FAM184A: variants seen among roughly 807,000 people sequenced by gnomAD.
FAM184A encodes family with sequence similarity 184 member A.
Under a neutral mutation model 143.8 loss-of-function variants are expected in FAM184A, and 99 were observed. The observed-to-expected ratio is 0.69, with a 90% CI of 0.58 to 0.81. The LOEUF is 0.81. Among genes scored for constraint, FAM184A ranks in the 40% least tolerant of loss-of-function variants. FAM184A has a pLI of 0.00. For synonymous variants in FAM184A, 427 were observed against 446.4 expected, an observed-to-expected ratio of 0.96 and a Z score of 0.55; for missense variants, 1,217 against 1,310.5, an observed-to-expected ratio of 0.93 and a Z score of 1.10.
chr6:119,032,722 T>A (rs992244763), intron 1 of FAM184A, among the ~76,000 whole-genome samples: 1 of 152,024 alleles, frequency 6.6e-6, no homozygotes, highest in South Asian at 2.1e-4. Context: ...TCAGAATACA[T>A]AACCACTACA....
chr6:118,988,562 A>G (rs1435511521), intron 9 of FAM184A, among the ~76,000 whole-genome samples: 2 of 152,258 alleles, frequency 1.3e-5, no homozygotes, highest in Non-Finnish European at 2.9e-5. Context: ...AAAACCGCCA[A>G]CACTAACTTG....
At chr6:118,975,864 T>C (rs1783829035) in intron 12 of FAM184A, 53 bp downstream of exon 12, 2 of 1,537,760 alleles carry the variant, frequency 1.3e-6, no homozygotes, top group African/African-American at 1.4e-5. Context: ...ATTATGAACA[T>C]TCAATCTATT....
chr6:118,980,192 T>C lies in FAM184A; in HGVS notation c.2247A>G (p.Glu749=), dbSNP rs1189362980. 1.2e-6 allele frequency: 2 copies of C among 1,614,222 alleles called. No homozygotes were observed. Among genetic ancestry groups the C allele is most frequent in the Non-Finnish European group, 8.5e-7 (1 of 1,180,014 alleles). ...QHQQRHKSLK[E]AHVLAFQTME... The stretch of plus-strand genomic sequence containing the variant: ...TAGTTTGAAATGCAAGGACATGTGC[T>C]TCTTTTAATGATTTGTGTCTTTGCT... Residue 749 remains glutamate (E), a synonymous_variant, in exon 10 of 18, where the codon GAA becomes GAG. Transcript: ENST00000338891.
At chr6:119,107,290 G>GA (rs966107327) in intron 1 of FAM184A, among the ~76,000 whole-genome samples, 7 of 151,532 alleles carry the variant, frequency 4.6e-5, no homozygotes, top group East Asian at 3.9e-4. Flanking sequence ...ATGTTATTCT[G>GA]AAAAAAAAGA....
At position 119,024,506 on chromosome 6, in the gene FAM184A, C is replaced by A; in HGVS notation, c.467G>T (p.Arg156Ile). 6.2e-7 allele frequency: 1 copy of A among 1,613,812 alleles called. No homozygotes were observed. Among genetic ancestry groups the A allele is most frequent in the East Asian group, 2.2e-5 (1 of 44,886 alleles). ...TTTCCTTCTAATCTCTTCGACTTCT[C>A]TAGACATGGTCACTATGCGTTGGAC... ...QHVQRIVTMS[R>I]EVEEIRRKFE... Residue 156 changes from arginine (R) to isoleucine (I), a missense_variant, in exon 2 of 18, where the codon AGA (arginine) becomes ATA (isoleucine). Physicochemically the swap from Arg to Ile is moderately conservative, Grantham distance 97. Transcript: ENST00000338891.
chr6:119,037,118 G>A (rs1786143807), intron 1 of FAM184A, among the ~76,000 whole-genome samples: 2 of 152,124 alleles, frequency 1.3e-5, no homozygotes, highest in South Asian at 2.1e-4. Flanking sequence ...ACTGGAAAAA[G>A]TGTCTTTATA....
Position 119,011,343 on chromosome 6 carries a change from ACTTC to A in FAM184A, c.1615_1618del (p.Glu539TyrfsTer6). 1 of 1,609,456 alleles carries A rather than the reference ACTTC, an allele frequency of 6.2e-7. No individual in the cohort carries two copies. Among genetic ancestry groups the A allele is most frequent in the East Asian group, 2.2e-5 (1 of 44,622 alleles). ...GGCTGTATTCAACTTGTCTTCCAGTACTTCCTTTAGGTTTTCTAGCTCTTGTTGA... is the reference window on the plus strand; with the variant it reads ...GGCTGTATTCAACTTGTCTTCCAGTACTTTAGGTTTTCTAGCTCTTGTTGA... On this transcript the variant is annotated frameshift_variant, in exon 6 of 18. Transcript: ENST00000338891. LOFTEE classifies it high-confidence loss of function.
At chr6:118,984,158 A>AATAT (rs34576101) in intron 9 of FAM184A, among the ~76,000 whole-genome samples, 3,334 of 126,856 alleles carry the variant, frequency 0.026, 52 homozygotes, top group Middle Eastern at 0.042. Context: ...TTAAAAAAAA[A>AATAT]ATATATATAT....
chr6:119,125,362 G>A (rs867918620), intron 1 of FAM184A, among the ~76,000 whole-genome samples: 9 of 152,062 alleles, frequency 5.9e-5, no homozygotes, highest in Non-Finnish European at 1.0e-4. Flanking sequence ...TGCAACCTCC[G>A]CCTCCCAGGT....
chr6:119,021,356 C>T (rs1785441102), intron 3 of FAM184A, among the ~76,000 whole-genome samples: 1 of 152,190 alleles, frequency 6.6e-6, no homozygotes, highest in Non-Finnish European at 1.5e-5. Context: ...TCACCCACTT[C>T]CTCCAGTAAT....
intron 4 of FAM184A, 113 bp from the exon 5 acceptor site, chr6:119,017,057 T>A: frequency 1.5e-6 from 1 of 675,466 alleles, no homozygotes; most frequent in South Asian, 2.0e-5. Flanking sequence ...TGCTACGGGA[T>A]CTAGACTATG....
At chr6:119,022,841 C>T (rs1785496554) in intron 3 of FAM184A, 104 bp downstream of exon 3, 6 of 1,381,116 alleles carry the variant, frequency 4.3e-6, no homozygotes, top group Non-Finnish European at 6.0e-6. Context: ...TGAGCCACTG[C>T]ACTCCCGTCT....
Position 118,959,986 on chromosome 6 carries a change from G to A in FAM184A, c.*117C>T. On this transcript the variant is annotated 3_prime_UTR_variant, in exon 18 of 18. Coordinates refer to ENST00000338891, the MANE Select transcript of FAM184A (RefSeq NM_024581.6). ...AAATACAGTGCATTTTCAAGTTGGA[G>A]AGACAAATACTTTCTCATTCACAGT... 1 of 682,842 alleles carries A rather than the reference G, an allele frequency of 1.5e-6. No homozygotes were observed. Among genetic ancestry groups the A allele is most frequent in the South Asian group, 2.5e-5 (1 of 40,412 alleles). 42.3% of individuals were successfully genotyped at this position (682,842 alleles called of 1,614,324 possible).
upstream of FAM184A, among the ~76,000 whole-genome samples, chr6:119,079,348 C>T (rs1308446275): frequency 6.6e-6 from 1 of 152,078 alleles, no homozygotes; most frequent in Non-Finnish European, 1.5e-5. Flanking sequence ...TATGAAACTA[C>T]TTGGCTGGAA....
rs551871242 is a variant in FAM184A, at chr6:118,967,754, T to C, written c.2916-802A>G. 1.0e-3 allele frequency among the ~76,000 whole-genome samples: 154 copies of C among 152,288 alleles called. 1 individual carries two copies. The highest frequency in any genetic ancestry group is 3.4e-3 in the African/African-American group (141 of 41,568). ...TTTCAATTTTAGAAAATGCAAATAC[T>C]TAGAACAATTTTAAAAATCTTGTTT... On this transcript the variant is annotated intron_variant, in intron 14 of 17. Coordinates refer to ENST00000338891, the MANE Select transcript of FAM184A (RefSeq NM_024581.6).
At chr6:119,147,215 A>C (rs1218012060) in intron 1 of FAM184A, among the ~76,000 whole-genome samples, 1 of 152,044 alleles carries the variant, frequency 6.6e-6, no homozygotes, top group Non-Finnish European at 1.5e-5. Context: ...TAAGGCAGCA[A>C]ATAATCAAGT....
chr6:119,083,521 C>A (rs979055836), upstream of FAM184A, among the ~76,000 whole-genome samples: 7 of 152,154 alleles, frequency 4.6e-5, no homozygotes, highest in African/African-American at 1.4e-4. Context: ...GCCAGGTCAC[C>A]TCTTGAATGC....
intron 9 of FAM184A, among the ~76,000 whole-genome samples, chr6:118,983,953 G>A (rs142610052): frequency 0.019 from 2,810 of 151,050 alleles, 99 homozygotes; most frequent in African/African-American, 0.065. Flanking sequence ...ATTTGAGACC[G>A]GCCTGGCCAA....
At chr6:119,136,569 G>T (rs1411840650) in intron 1 of FAM184A, among the ~76,000 whole-genome samples, 1 of 152,154 alleles carries the variant, frequency 6.6e-6, no homozygotes, top group Non-Finnish European at 1.5e-5. Context: ...TTTTTTGGAA[G>T]TTTATGGACT....
Sources: allele counts gnomAD v4.1 joint callset (sites outside exome capture counted in the v4.1 genomes callset), GRCh38; gene constraint gnomAD v4.1.1; transcripts MANE v1.5; gene names NCBI Gene and HGNC (gene_info 2026-07-23, HGNC 2026-07-21).